TANC1: variants seen among roughly 807,000 people sequenced by gnomAD.
The protein encoded by TANC1 is protein TANC1.
In TANC1, 77 loss-of-function variants were observed where a neutral mutation model predicts 149.7. That is an observed-to-expected ratio of 0.51 (90% CI 0.43 to 0.62). The LOEUF (loss-of-function observed/expected upper bound fraction) is 0.62, where lower values mean the gene tolerates loss of function less well. TANC1 is among the 20% of genes least tolerant of loss of function. TANC1 has a pLI of 0.00. For synonymous variants in TANC1, 854 were observed against 925.0 expected, an observed-to-expected ratio of 0.92 and a Z score of 1.39; for missense variants, 1,985 against 2,321.8, an observed-to-expected ratio of 0.85 and a Z score of 2.98.
chr2:159,080,168 G>A (rs1220108821), intron 3 of TANC1, among the ~76,000 whole-genome samples: 1 of 152,166 alleles, frequency 6.6e-6, no homozygotes, highest in Non-Finnish European at 1.5e-5. Flanking sequence ...CTGGAGACTG[G>A]GCTAGCTCTG....
At chr2:159,112,555 CTTT>C (rs34643604) in intron 4 of TANC1, among the ~76,000 whole-genome samples, 157 of 130,012 alleles carry the variant, frequency 1.2e-3, no homozygotes, top group Middle Eastern at 4.3e-3. Context: ...TGCACCCAGC[CTTT>C]TTTTTTTTTT....
At chr2:159,193,617 C>T (rs1191752803) in intron 16 of TANC1, among the ~76,000 whole-genome samples, 3 of 152,032 alleles carry the variant, frequency 2.0e-5, no homozygotes, top group African/African-American at 7.2e-5. Context: ...CTCCACCTCC[C>T]GGGTTCAAGC....
In TANC1 at chr2:159,017,710, A is replaced by T. The variant is rs1275035118; in HGVS notation, c.-16+16521A>T. ...ACAACAACAAAATATATATATATATATATGAAAGAAAGGGGAAGGAGAGCA... is the reference window on the plus strand; with the variant it reads ...ACAACAACAAAATATATATATATATTTATGAAAGAAAGGGGAAGGAGAGCA... On this transcript the variant is annotated intron_variant, in intron 2 of 26. Coordinates refer to ENST00000263635, the MANE Select transcript of TANC1 (RefSeq NM_033394.3). Among the ~76,000 whole-genome samples, 3 of 151,908 alleles carry T rather than the reference A, an allele frequency of 2.0e-5. No individual in the cohort carries two copies. The East Asian group carries it at 5.8e-4, about 29-fold the overall frequency.
chr2:159,030,533 T>A (rs1470321826), intron 2 of TANC1, among the ~76,000 whole-genome samples: 2 of 152,216 alleles, frequency 1.3e-5, no homozygotes, highest in African/African-American at 4.8e-5. Flanking sequence ...AAGTGGTTGA[T>A]AAGAAGCTCT....
intron 2 of TANC1, among the ~76,000 whole-genome samples, chr2:159,047,417 C>T (rs958957708): frequency 1.6e-4 from 24 of 151,872 alleles, no homozygotes; most frequent in African/African-American, 5.1e-4. Flanking sequence ...GTCATTCCAC[C>T]GTGAAAGAAA....
At chr2:159,045,002 A>C (rs1174805124) in intron 2 of TANC1, among the ~76,000 whole-genome samples, 2 of 152,276 alleles carry the variant, frequency 1.3e-5, no homozygotes, top group East Asian at 3.8e-4. Context: ...GGGGCAGGGC[A>C]GCAGAGTACA....
rs751304982 is a variant in TANC1, at chr2:158,973,069, T to C, written c.-126+4287T>C. Among the ~76,000 whole-genome samples the C allele has an allele frequency of 1.8e-4, 28 of 152,248 alleles. 1 individual carries two copies. Among genetic ancestry groups the C allele is most frequent in the South Asian group, 1.0e-3 (5 of 4,820 alleles). Reference sequence around the variant, plus strand: ...TAGGTTCCCCTGCAGGTGGGTGTGATCAAGGAGAATGTTCTAGAAAGAAGA... The same window carrying C: ...TAGGTTCCCCTGCAGGTGGGTGTGACCAAGGAGAATGTTCTAGAAAGAAGA... On this transcript the variant is annotated intron_variant, in intron 1 of 26. Coordinates refer to ENST00000263635, the MANE Select transcript of TANC1 (RefSeq NM_033394.3).
rs1015770059 is a variant in TANC1, at chr2:159,224,418, G to A, written c.3811+54G>A. 3.1e-6 allele frequency: 5 copies of A among 1,609,796 alleles called. No homozygotes were observed. The African/African-American group carries it at 6.7e-5, about 21-fold the overall frequency. On this transcript the variant is annotated intron_variant, in intron 23 of 26. Coordinates refer to ENST00000263635, the MANE Select transcript of TANC1 (RefSeq NM_033394.3). ...GAGGAGCGGTGAGCTCCCGATTGTA[G>A]AAGCCTAGACAGCACAGAGAGTGAC...
chr2:159,060,219 C>A, intron 2 of TANC1: 1 of 235,030 alleles, frequency 4.3e-6, no homozygotes, highest in Non-Finnish European at 6.9e-6. Context: ...TTAAGTGTAC[C>A]TTAGTTTACA....
At chr2:159,079,346 C>CTTTTTTTTTTTTTTTTTTTTTTT in intron 3 of TANC1, among the ~76,000 whole-genome samples, 1 of 109,906 alleles carries the variant, frequency 9.1e-6, no homozygotes, top group East Asian at 3.1e-4. Flanking sequence ...GTGTGTGTGT[C>CTTTTTTTTTTTTTTTTTTTTTTT]TTTTTTTTTT....
At chr2:159,057,657 T>C (rs147925808) in intron 2 of TANC1, among the ~76,000 whole-genome samples, 2 of 152,356 alleles carry the variant, frequency 1.3e-5, no homozygotes, top group African/African-American at 4.8e-5. Flanking sequence ...ATTAAAATTA[T>C]GTTTCTCCAC....
intron 2 of TANC1, among the ~76,000 whole-genome samples, chr2:159,003,700 G>A (rs1211292967): frequency 2.6e-5 from 4 of 152,216 alleles, no homozygotes; most frequent in Non-Finnish European, 5.9e-5. Flanking sequence ...GAGAGGGAGA[G>A]GCGGGGTCAG....
At chr2:159,165,918 G>A (rs1311856969) in intron 8 of TANC1, among the ~76,000 whole-genome samples, 7 of 152,216 alleles carry the variant, frequency 4.6e-5, no homozygotes, top group Non-Finnish European at 1.5e-5. Context: ...TTGCTACAGA[G>A]AATGAAATTG....
At chr2:159,133,710 T>C (rs185812569) in intron 4 of TANC1, among the ~76,000 whole-genome samples, 64 of 152,342 alleles carry the variant, frequency 4.2e-4, no homozygotes, top group African/African-American at 1.5e-3. Flanking sequence ...CGCACTTAGA[T>C]TGCAATTGTG....
At chr2:158,994,731 G>C (rs1409171951) in intron 1 of TANC1, among the ~76,000 whole-genome samples, 1 of 152,100 alleles carries the variant, frequency 6.6e-6, no homozygotes, top group Non-Finnish European at 1.5e-5. Context: ...ATTTATTTGT[G>C]GTTATTGTAA....
rs1425160850 is a variant in TANC1, at chr2:159,102,945, C to G, written c.259+5111C>G. ...GTGTTAGCCAGGATGGTCTCGATCT[C>G]CTGATCCCACGATCCGCCCACCTTG... is the stretch of plus-strand genomic sequence containing the variant. On this transcript the variant is annotated intron_variant, in intron 4 of 26. Transcript: ENST00000263635. Among the ~76,000 whole-genome samples, 2 of 85,882 alleles carry G rather than the reference C, an allele frequency of 2.3e-5. 1 individual carries two copies. Among genetic ancestry groups the G allele is most frequent in the Non-Finnish European group, 6.4e-5 (2 of 31,100 alleles). 56.3% of individuals were successfully genotyped at this position (85,882 alleles called of 152,430 possible). A position where few individuals can be genotyped will look rare whatever the true frequency, so the allele number is the denominator to read the frequency against.
rs1575400673 is a variant in TANC1 at position 159,230,733 on chromosome 2, G to A, written c.5307G>A (p.Lys1769=). The stretch of plus-strand genomic sequence containing the variant: ...GCCTGCAGTCTGCTAACACTGAGAA[G>A]CCCTCTCTCATGCAAGTGGGAGGAT... ...AAGLQSANTE[K]PSLMQVGGYN... is the part of the protein sequence containing the mutation. Residue 1769 remains lysine, a synonymous_variant, in exon 27 of 27, where the codon AAG becomes AAA. Coordinates refer to ENST00000263635, the MANE Select transcript of TANC1 (RefSeq NM_033394.3). The surrounding 1 kb of genome is among the most constrained non-coding windows in gnomAD (Gnocchi z 4.4). 6.2e-7 allele frequency: 1 copy of A among 1,614,194 alleles called. No homozygotes were observed. The highest frequency in any genetic ancestry group is 8.5e-7 in the Non-Finnish European group (1 of 1,180,040).
chr2:159,151,381 G>C (rs946978243), intron 7 of TANC1, among the ~76,000 whole-genome samples: 20 of 152,332 alleles, frequency 1.3e-4, no homozygotes, highest in African/African-American at 3.8e-4. Context: ...AGATGGGTGG[G>C]ACCCCTGGAG....
At chr2:159,088,850 C>G (rs1163507621) in intron 3 of TANC1, among the ~76,000 whole-genome samples, 1 of 152,114 alleles carries the variant, frequency 6.6e-6, no homozygotes, top group African/African-American at 2.4e-5. Context: ...GAGGCCAGGC[C>G]ATCTTATATT....
Sources: gnomAD v4.1 joint callset for allele counts (sites outside exome capture counted in the v4.1 genomes callset) on GRCh38, gnomAD v4.1.1 for gene constraint, Gnocchi (gnomAD v3.1) non-coding constraint, MANE v1.5 for transcripts, NCBI Gene and HGNC (gene_info 2026-07-23, HGNC 2026-07-21) for gene names.